Variants in TSPAN13 observed in about 807,000 individuals in gnomAD.
TSPAN13 encodes tetraspanin-13.
Under a neutral mutation model 26.9 loss-of-function variants are expected in TSPAN13, and 18 were observed. That is an observed-to-expected ratio of 0.67 (90% confidence interval 0.46 to 0.99). The LOEUF (loss-of-function observed/expected upper bound fraction) is 0.99, where lower values mean the gene tolerates loss of function less well. Among genes scored for constraint, TSPAN13 ranks in the 50% least tolerant of loss-of-function variants. TSPAN13 has a pLI of 0.00. For synonymous variants in TSPAN13, 116 were observed against 98.4 expected, an observed-to-expected ratio of 1.18 and a Z score of -1.06; for missense variants, 201 against 249.6, an observed-to-expected ratio of 0.81 and a Z score of 1.31.
intron 5 of TSPAN13, among the ~76,000 whole-genome samples, chr7:16,779,380 T>A (rs1463565233): frequency 6.6e-6 from 1 of 152,192 alleles, no homozygotes; most frequent in African/African-American, 2.4e-5. Flanking sequence ...CTCTAGGGTC[T>A]CTTCTATTTC....
rs112346604 is a variant in TSPAN13, at chr7:16,778,779, C to G, written c.427-224C>G. ...GGAAGTGACTGTCCTATCATATTCA[C>G]AAGTTCCACGCATACTCAAGAGCAG... On this transcript the variant is annotated intron_variant, in intron 4 of 5. Coordinates refer to ENST00000262067, the MANE Select transcript of TSPAN13 (RefSeq NM_014399.4). Among the ~76,000 whole-genome samples, 473 of 152,250 alleles carry G rather than the reference C, an allele frequency of 3.1e-3. 1 individual carries two copies. The highest frequency in any genetic ancestry group is 0.011 in the African/African-American group (447 of 41,536).
At chr7:16,763,572 C>T (rs147669436) in intron 1 of TSPAN13, among the ~76,000 whole-genome samples, 18 of 152,212 alleles carry the variant, frequency 1.2e-4, no homozygotes, top group African/African-American at 4.1e-4. Flanking sequence ...TGGCTACTGG[C>T]AGAATCAATG....
At chr7:16,776,474 C>G in intron 2 of TSPAN13, 96 bp downstream of exon 2, 2 of 1,175,316 alleles carry the variant, frequency 1.7e-6, no homozygotes, top group Non-Finnish European at 2.4e-6. Flanking sequence ...TGCCAGAAAG[C>G]AACTCCAAGC....
chr7:16,770,782 C>T (rs1407797738), intron 1 of TSPAN13, among the ~76,000 whole-genome samples: 1 of 152,228 alleles, frequency 6.6e-6, no homozygotes, highest in African/African-American at 2.4e-5. Flanking sequence ...CCCCCAAATG[C>T]CGTCACCTCT....
intron 1 of TSPAN13, among the ~76,000 whole-genome samples, chr7:16,760,290 A>G (rs975949427): frequency 6.6e-6 from 1 of 152,170 alleles, no homozygotes; most frequent in African/African-American, 2.4e-5. Flanking sequence ...TAATTTGCAC[A>G]TGAGATGATG....
Position 16,776,294 on chromosome 7 carries a change from C to A in TSPAN13, c.147C>A (p.Val49=). Residue 49 remains valine, a synonymous_variant, in exon 2 of 6, where the codon GTC becomes GTA. Coordinates refer to ENST00000262067, the MANE Select transcript of TSPAN13 (RefSeq NM_014399.4). ...LISSLRVVGV[V]IAVGIFLFLI... The stretch of plus-strand genomic sequence containing the variant: ...CCAGTCTCCGAGTGGTCGGCGTGGT[C>A]ATTGCAGTGGGCATCTTCTTGTTCC... 1 of 1,614,098 alleles carries A rather than the reference C, an allele frequency of 6.2e-7. No individual in the cohort carries two copies. The highest frequency in any genetic ancestry group is 1.3e-5 in the African/African-American group (1 of 74,996).
chr7:16,777,356 A>G (rs1159737664), intron 3 of TSPAN13, among the ~76,000 whole-genome samples: 1 of 152,194 alleles, frequency 6.6e-6, no homozygotes, highest in Non-Finnish European at 1.5e-5. Flanking sequence ...CACTGGGTTA[A>G]AAAGTGCTAT....
chr7:16,753,781 T>G lies in TSPAN13; in HGVS notation c.-187T>G. ...CGGCTCAGCTGCGGCGGCCGCAGGT[T>G]CCAAAGCGGGTCCGAGCCGCCGCCG... On this transcript the variant is annotated 5_prime_UTR_variant, in exon 1 of 6. Coordinates refer to ENST00000262067, the MANE Select transcript of TSPAN13 (RefSeq NM_014399.4). 1 of 493,138 alleles carries G rather than the reference T, an allele frequency of 2.0e-6. No homozygotes were observed. Among genetic ancestry groups the G allele is most frequent in the South Asian group, 3.0e-5 (1 of 33,750 alleles). 30.5% of individuals were successfully genotyped at this position (493,138 alleles called of 1,614,324 possible).
In TSPAN13 at chr7:16,777,825, A is replaced by C; in HGVS notation, c.340A>C (p.Asn114His). Residue 114 changes from asparagine (N) to histidine (H), a missense_variant, in exon 4 of 6, where the codon AAT (asparagine) becomes CAT (histidine). Asn to His is a moderately conservative substitution (Grantham distance 68). Transcript: ENST00000262067. ...QGQLLEVGWNNTASARNDIQR... is the reference protein window; with the variant it reads ...QGQLLEVGWNHTASARNDIQR... The stretch of plus-strand genomic sequence containing the variant: ...TCAGCTTCTGGAGGTTGGTTGGAAC[A>C]ATACGGCAAGTGCTCGAAATGACAT... 1 of 1,613,954 alleles carries C rather than the reference A, an allele frequency of 6.2e-7. No individual in the cohort carries two copies.
chr7:16,758,437 G>T (rs1784506760), intron 1 of TSPAN13, among the ~76,000 whole-genome samples: 1 of 152,136 alleles, frequency 6.6e-6, no homozygotes, highest in African/African-American at 2.4e-5. Context: ...AAATCAGATA[G>T]TATATAAATG....
chr7:16,778,604 G>A (rs1309027714), intron 4 of TSPAN13, among the ~76,000 whole-genome samples: 2 of 152,156 alleles, frequency 1.3e-5, no homozygotes, highest in Non-Finnish European at 2.9e-5. Flanking sequence ...TTGGCTGGAG[G>A]TCTCTCTCTG....
At position 16,754,021 on chromosome 7, in the gene TSPAN13, G is replaced by GCGCC; in HGVS notation, c.55_56insGCCC (p.Leu19ArgfsTer7). Reference sequence around the variant, plus strand: ...AGAACTGCCTGTGCGCCCTCAACCTGCTTTACACCGTGAGTATCCCCAGTC... The same window carrying GCGCC: ...AGAACTGCCTGTGCGCCCTCAACCTGCGCCCTTTACACCGTGAGTATCCCCAGTC... On this transcript the variant is annotated frameshift_variant, in exon 1 of 6. Coordinates refer to ENST00000262067, the MANE Select transcript of TSPAN13 (RefSeq NM_014399.4). LOFTEE classifies it high-confidence loss of function. The GCGCC allele has an allele frequency of 1.2e-6, 2 of 1,613,744 alleles. No homozygotes were observed. The highest frequency in any genetic ancestry group is 1.7e-6 in the Non-Finnish European group (2 of 1,179,790).
chr7:16,773,154 TA>T (rs1258026590), intron 1 of TSPAN13, among the ~76,000 whole-genome samples: 10 of 147,880 alleles, frequency 6.8e-5, no homozygotes, highest in Non-Finnish European at 1.5e-4. Context: ...ACTCGCCTTA[TA>T]AAAAATCTTG....
intron 1 of TSPAN13, among the ~76,000 whole-genome samples, chr7:16,754,389 C>G (rs6461274): frequency 6.6e-6 from 1 of 152,160 alleles, no homozygotes; most frequent in Non-Finnish European, 1.5e-5. Context: ...GACATCCAGA[C>G]GCATCTGGGC....
intron 5 of TSPAN13, among the ~76,000 whole-genome samples, chr7:16,779,776 C>CTT (rs34638889): frequency 0.018 from 2,547 of 143,088 alleles, 23 homozygotes; most frequent in South Asian, 0.039. Context: ...GATTAATATT[C>CTT]TTTTTTTTTT....
chr7:16,768,296 G>A (rs1242554656), intron 1 of TSPAN13, among the ~76,000 whole-genome samples: 2 of 152,144 alleles, frequency 1.3e-5, no homozygotes, highest in African/African-American at 2.4e-5. Flanking sequence ...ATTTTTCACT[G>A]TACAGTACAG....
In TSPAN13 at chr7:16,784,111, T is replaced by G. The variant is rs1303331806; in HGVS notation, c.*620T>G. 2 of 152,672 alleles carry G rather than the reference T, an allele frequency of 1.3e-5. No homozygotes were observed. The highest frequency in any genetic ancestry group is 4.1e-4 in the South Asian group (2 of 4,840). The allele number at this position is 152,672 out of a possible 1,614,324, so 9.5% of individuals were successfully genotyped here. A position where few individuals can be genotyped will look rare whatever the true frequency, so the allele number is the denominator to read the frequency against. The stretch of plus-strand genomic sequence containing the variant: ...TTAATTTTTGACTTTTACAGGTAAG[T>G]GCAAAGGAGAAGTGGTTTCATGAAA... On this transcript the variant is annotated 3_prime_UTR_variant, in exon 6 of 6. Transcript: ENST00000262067.
At chr7:16,754,998 C>T (rs1248845341) in intron 1 of TSPAN13, among the ~76,000 whole-genome samples, 1 of 152,156 alleles carries the variant, frequency 6.6e-6, no homozygotes, top group Non-Finnish European at 1.5e-5. Flanking sequence ...TGGTAGTTGA[C>T]GAGTCAGGAG....
chr7:16,768,784 C>T (rs1284124894), intron 1 of TSPAN13, among the ~76,000 whole-genome samples: 1 of 152,168 alleles, frequency 6.6e-6, no homozygotes, highest in Non-Finnish European at 1.5e-5. Flanking sequence ...TAGAATTTTG[C>T]CTCTCTCAAA....
Sources: allele counts gnomAD v4.1 joint callset (sites outside exome capture counted in the v4.1 genomes callset), GRCh38; gene constraint gnomAD v4.1.1; transcripts MANE v1.5; gene names NCBI Gene and HGNC (gene_info 2026-07-23, HGNC 2026-07-21).